Variants in PIGL observed in about 807,000 individuals in gnomAD.
PIGL encodes the protein phosphatidylinositol glycan anchor biosynthesis class L, also known as N-acetylglucosaminyl-phosphatidylinositol de-N-acetylase.
In PIGL, 22 loss-of-function variants were observed where a neutral mutation model predicts 31.1. The ratio of observed to expected loss-of-function variants is 0.71; its 90% CI spans 0.51 to 1.01. The LOEUF (loss-of-function observed/expected upper bound fraction) is 1.01. PIGL is among the 50% of genes least tolerant of loss of function. PIGL has a pLI of 0.00. For missense variants in PIGL, 302 were observed against 315.9 expected (o/e 0.96, Z 0.33); for synonymous variants, 131 against 117.4 (o/e 1.12, Z -0.75).
intron 1 of PIGL, among the ~76,000 whole-genome samples, chr17:16,232,582 C>G (rs1242538839): frequency 6.6e-6 from 1 of 152,104 alleles, no homozygotes; most frequent in Non-Finnish European, 1.5e-5. Flanking sequence ...AGCCTCAATT[C>G]TAAGCAGTTT....
chr17:16,219,889 T>G (rs887482314), intron 1 of PIGL, among the ~76,000 whole-genome samples: 1 of 152,102 alleles, frequency 6.6e-6, no homozygotes, highest in Non-Finnish European at 1.5e-5. Flanking sequence ...TATTTGTATT[T>G]TATATTACAA....
intron 1 of PIGL, among the ~76,000 whole-genome samples, chr17:16,225,639 T>TTTG (rs772652381): frequency 1.3e-4 from 19 of 151,834 alleles, no homozygotes; most frequent in African/African-American, 2.9e-4. Context: ...TTTGTTTTCT[T>TTTG]TTGTTGTTGT....
intron 2 of PIGL, among the ~76,000 whole-genome samples, chr17:16,262,035 C>T (rs1410926065): frequency 6.6e-6 from 1 of 151,930 alleles, no homozygotes; most frequent in East Asian, 1.9e-4. Flanking sequence ...CCAGCCTGGT[C>T]GACATGGTGA....
At chr17:16,314,916 C>T (rs1411102717) in intron 4 of PIGL, among the ~76,000 whole-genome samples, 1 of 152,178 alleles carries the variant, frequency 6.6e-6, no homozygotes, top group Admixed American at 6.5e-5. Context: ...AATGGTCCCA[C>T]CTCATTCTGG....
Position 16,217,286 on chromosome 17 carries a change from G to A in PIGL, c.60G>A (p.Trp20Ter), listed in dbSNP as rs886039691. 2 of 1,614,072 alleles carry A rather than the reference G, an allele frequency of 1.2e-6. No individual in the cohort carries two copies. Among genetic ancestry groups the A allele is most frequent in the Admixed American group, 1.7e-5 (1 of 59,998 alleles). ...ALAVLAWGFL[W>*]VWDSSERMKS... ...CGGTCTTGGCATGGGGCTTCCTCTG[G>A]GTTTGGGACTCCTCAGAACGAATGA... is the stretch of plus-strand genomic sequence containing the variant. Residue 20 changes from tryptophan to a stop codon, truncating the protein, a stop_gained, in exon 1 of 7, where the codon TGG becomes TGA. Transcript: ENST00000225609. LOFTEE classifies it high-confidence loss of function.
intron 1 of PIGL, among the ~76,000 whole-genome samples, chr17:16,227,807 C>T (rs1212842083): frequency 6.6e-6 from 1 of 151,194 alleles, no homozygotes; most frequent in Admixed American, 6.6e-5. Context: ...CTCGAACTCC[C>T]GACCTCAGGT....
chr17:16,270,655 A>C (rs2092867556), intron 2 of PIGL, among the ~76,000 whole-genome samples: 1 of 152,018 alleles, frequency 6.6e-6, no homozygotes, highest in Non-Finnish European at 1.5e-5. Context: ...CCAGCACTTT[A>C]GGAGATTGAG....
intron 2 of PIGL, among the ~76,000 whole-genome samples, chr17:16,253,530 T>C (rs144899731): frequency 6.4e-4 from 97 of 152,352 alleles, no homozygotes; most frequent in Non-Finnish European, 1.1e-3. Context: ...TTAAAAGATT[T>C]TTTAAAACTT....
At chr17:16,226,793 A>G in intron 1 of PIGL, among the ~76,000 whole-genome samples, 1 of 152,118 alleles carries the variant, frequency 6.6e-6, no homozygotes, top group East Asian at 1.9e-4. Context: ...TCCTGTCTTT[A>G]TGTGGAGGTC....
chr17:16,315,700 CTTTCTTTCTTTTTTTTTTT>C (rs2093072599), intron 4 of PIGL, among the ~76,000 whole-genome samples: 3 of 91,164 alleles, frequency 3.3e-5, no homozygotes, highest in Non-Finnish European at 6.4e-5. Context: ...TTCTTTCTTT[CTTTCTTTCTTTTTTTTTTT>C]TTTTTTTTTT....
At chr17:16,244,213 T>C (rs1191878167) in intron 2 of PIGL, among the ~76,000 whole-genome samples, 3 of 152,200 alleles carry the variant, frequency 2.0e-5, no homozygotes, top group African/African-American at 7.2e-5. Flanking sequence ...AACTCGTTAG[T>C]CCTACAAAGG....
At chr17:16,285,840 CAG>C (rs1378253635) in intron 2 of PIGL, among the ~76,000 whole-genome samples, 1 of 152,186 alleles carries the variant, frequency 6.6e-6, no homozygotes, top group African/African-American at 2.4e-5. Context: ...CTTGGCGGTG[CAG>C]AGACACCCCC....
chr17:16,237,878 T>G (rs936459663), intron 2 of PIGL, among the ~76,000 whole-genome samples: 1 of 150,926 alleles, frequency 6.6e-6, no homozygotes, highest in East Asian at 1.9e-4. Context: ...ATGAACATAA[T>G]TACTTATTTT....
intron 1 of PIGL, among the ~76,000 whole-genome samples, chr17:16,229,590 C>T (rs1349028338): frequency 6.8e-6 from 1 of 146,660 alleles, no homozygotes; most frequent in African/African-American, 2.5e-5. Flanking sequence ...TACAGTTTTA[C>T]GTTGCCACCA....
chr17:16,234,163 A>G, intron 2 of PIGL, 93 bp downstream of exon 2: 2 of 723,056 alleles, frequency 2.8e-6, no homozygotes, highest in Non-Finnish European at 4.8e-6. Flanking sequence ...TGAGTGGCTG[A>G]GAACATCTTG....
chr17:16,247,758 AC>A (rs1411181299), intron 2 of PIGL, among the ~76,000 whole-genome samples: 1 of 151,994 alleles, frequency 6.6e-6, no homozygotes, highest in Non-Finnish European at 1.5e-5. Context: ...CTTTCGTCCC[AC>A]CCGATTTTTT....
intron 6 of PIGL, 123 bp from the exon 7 acceptor site, chr17:16,325,677 A>AT: frequency 4.1e-6 from 3 of 731,192 alleles, no homozygotes; most frequent in Non-Finnish European, 7.0e-6. Context: ...AAGAAGACAG[A>AT]TAAGGCTATA....
intron 2 of PIGL, among the ~76,000 whole-genome samples, chr17:16,255,085 C>T (rs1293433451): frequency 6.6e-6 from 1 of 152,216 alleles, no homozygotes; most frequent in Non-Finnish European, 1.5e-5. Context: ...AGCTATCCAA[C>T]CCACTTTCCT....
intron 1 of PIGL, among the ~76,000 whole-genome samples, chr17:16,228,487 T>G (rs1003695416): frequency 6.6e-6 from 1 of 151,950 alleles, no homozygotes; most frequent in Non-Finnish European, 1.5e-5. Context: ...CGGGTTTACT[T>G]ACACCATTCT....
Sources: allele counts gnomAD v4.1 joint callset (sites outside exome capture counted in the v4.1 genomes callset), GRCh38; gene constraint gnomAD v4.1.1; transcripts MANE v1.5; gene names NCBI Gene and HGNC (gene_info 2026-07-23, HGNC 2026-07-21).